The following ITGA11 variants were observed in gnomAD, a reference collection of about 807,000 sequenced individuals.
The protein encoded by ITGA11 is integrin subunit alpha 11, also known as integrin alpha-11.
ITGA11 carries 97 observed loss-of-function variants against 141.9 expected under a neutral mutation model. The observed-to-expected ratio is 0.68, with a 90% CI of 0.58 to 0.81. The LOEUF (loss-of-function observed/expected upper bound fraction) is 0.81, where lower values mean the gene tolerates loss of function less well. Ranked by LOEUF, ITGA11 falls within the 30% of genes least tolerant of loss-of-function variation. The pLI is 0.00. For synonymous variants in ITGA11, 658 were observed against 624.6 expected, an observed-to-expected ratio of 1.05 and a Z score of -0.80; for missense variants, 1,387 against 1,559.2, an observed-to-expected ratio of 0.89 and a Z score of 1.86.
intron 10 of ITGA11, among the ~76,000 whole-genome samples, chr15:68,345,199 C>T (rs1044151840): frequency 6.6e-6 from 1 of 152,116 alleles, no homozygotes; most frequent in East Asian, 1.9e-4. Context: ...GTGACCTTTG[C>T]GTTCATTTCC....
At chr15:68,422,218 G>A (rs552053282) in intron 1 of ITGA11, among the ~76,000 whole-genome samples, 29 of 152,158 alleles carry the variant, frequency 1.9e-4, no homozygotes, top group Admixed American at 1.4e-3. Context: ...TCACTTGCAC[G>A]CTCCCTAGCA....
chr15:68,428,105 G>A (rs1351446837), intron 1 of ITGA11, among the ~76,000 whole-genome samples: 3 of 152,190 alleles, frequency 2.0e-5, no homozygotes, highest in East Asian at 3.9e-4. Flanking sequence ...AGTAAGCTCT[G>A]GAAGCCCATG....
chr15:68,361,691 AG>A lies in ITGA11; in HGVS notation c.370del (p.Leu124SerfsTer66). 6.2e-7 allele frequency: 1 copy of A among 1,604,708 alleles called. No homozygotes were observed. Among genetic ancestry groups the A allele is most frequent in the Non-Finnish European group, 8.5e-7 (1 of 1,175,372 alleles). On this transcript the variant is annotated frameshift_variant, in exon 5 of 30. Transcript: ENST00000315757. LOFTEE classifies it high-confidence loss of function. ...KDNSFLACSP[L>X]WSHECGSSYY... Reference sequence around the variant, plus strand: ...GGAGCTCCCACACTCATGAGACCAGAGGGGGCTGCAGGCCTGGGGAGGGCAG... The same window carrying A: ...GGAGCTCCCACACTCATGAGACCAGAGGGGCTGCAGGCCTGGGGAGGGCAG...
chr15:68,316,223 C>T (rs1390187506), intron 21 of ITGA11, among the ~76,000 whole-genome samples: 1 of 152,198 alleles, frequency 6.6e-6, no homozygotes, highest in East Asian at 1.9e-4. Context: ...CCAGTGGCCA[C>T]CCAGCAGGCC....
At chr15:68,332,628 C>G in intron 12 of ITGA11, 150 bp from the exon 13 acceptor site, 1 of 837,056 alleles carries the variant, frequency 1.2e-6, no homozygotes, top group Non-Finnish European at 1.8e-6. Context: ...CGCGCTACCT[C>G]TCTCTCCTGT....
At chr15:68,372,517 A>G (rs1895621149) in intron 2 of ITGA11, among the ~76,000 whole-genome samples, 1 of 152,194 alleles carries the variant, frequency 6.6e-6, no homozygotes, top group African/African-American at 2.4e-5. Context: ...GGCTCCCAGC[A>G]TTCTTCCTGC....
chr15:68,341,620 G>A (rs1444349009), intron 10 of ITGA11, among the ~76,000 whole-genome samples: 1 of 152,210 alleles, frequency 6.6e-6, no homozygotes, highest in Non-Finnish European at 1.5e-5. Context: ...GAACCCTCCT[G>A]AGGGAGGGGC....
chr15:68,348,571 C>T (rs114278618), intron 10 of ITGA11, among the ~76,000 whole-genome samples: 160 of 152,250 alleles, frequency 1.1e-3, no homozygotes, highest in African/African-American at 3.5e-3. Flanking sequence ...ACAGATTGTA[C>T]GTTATTTGTG....
intron 10 of ITGA11, among the ~76,000 whole-genome samples, chr15:68,342,012 G>T (rs960013374): frequency 3.9e-5 from 6 of 152,192 alleles, no homozygotes; most frequent in Non-Finnish European, 2.9e-5. Flanking sequence ...AATTTGTTGT[G>T]GCCAGGGAGA....
intron 10 of ITGA11, among the ~76,000 whole-genome samples, chr15:68,347,915 CACACAT>C (rs1318748780): frequency 1.1e-4 from 3 of 28,516 alleles, no homozygotes; most frequent in Non-Finnish European, 1.8e-4. Context: ...CCAGGCAGAA[CACACAT>C]ACACACACAC....
rs758948358 is a variant in ITGA11 at position 68,307,335 on chromosome 15, C to A, written c.3381+13G>T. On this transcript the variant is annotated intron_variant, in intron 28 of 29. Transcript: ENST00000315757. The surrounding 1 kb of genome is among the most constrained non-coding windows in gnomAD (Gnocchi z 6.1). ...GGCCTAAGCCCAGTTCTGCAGGGCTCCCAGGGGCTCACCTGGCGGCTGGGA... is the reference window on the plus strand; with the variant it reads ...GGCCTAAGCCCAGTTCTGCAGGGCTACCAGGGGCTCACCTGGCGGCTGGGA... 1 of 1,547,474 alleles carries A rather than the reference C, an allele frequency of 6.5e-7. No individual in the cohort carries two copies. The highest frequency in any genetic ancestry group is 8.8e-7 in the Non-Finnish European group (1 of 1,142,838).
chr15:68,425,474 G>T (rs537938578), intron 1 of ITGA11, among the ~76,000 whole-genome samples: 1 of 152,180 alleles, frequency 6.6e-6, no homozygotes, highest in East Asian at 1.9e-4. Flanking sequence ...ATCTCTGAAC[G>T]CAGGGGCTAT....
intron 2 of ITGA11, 60 bp from the exon 3 acceptor site, chr15:68,369,344 A>G: frequency 2.5e-6 from 2 of 785,266 alleles, no homozygotes; most frequent in Non-Finnish European, 3.7e-6. Flanking sequence ...CTGGCAGAGG[A>G]TGGAGCCTGG....
rs562189713 is a variant in ITGA11 at position 68,382,527 on chromosome 15, A to G, written c.165-13243T>C. Among the ~76,000 whole-genome samples the G allele has an allele frequency of 1.9e-4, 29 of 152,340 alleles. 1 individual carries two copies. In the South Asian group the frequency reaches 6.0e-3, roughly 32 times the overall value. On this transcript the variant is annotated intron_variant, in intron 2 of 29. Transcript: ENST00000315757. Reference sequence around the variant, plus strand: ...CCAAGATTTACCTTGGGTCACATCCAGACGTCTGGAACCATTCTCTCCCTC... The same window carrying G: ...CCAAGATTTACCTTGGGTCACATCCGGACGTCTGGAACCATTCTCTCCCTC...
At position 68,325,058 on chromosome 15, in the gene ITGA11, C is replaced by T. The variant is rs1468287117; in HGVS notation, c.2322+73G>A. 3 of 1,069,688 alleles carry T rather than the reference C, an allele frequency of 2.8e-6. No homozygotes were observed. In the African/African-American group the frequency reaches 4.9e-5, roughly 18 times the overall value. The allele number at this position is 1,069,688 out of a possible 1,614,324, so 66.3% of individuals were successfully genotyped here. A position where few individuals can be genotyped will look rare whatever the true frequency, so the allele number is the denominator to read the frequency against. On this transcript the variant is annotated intron_variant, in intron 18 of 29. Transcript: ENST00000315757. The surrounding 1 kb of genome is among the most constrained non-coding windows in gnomAD (Gnocchi z 5.5). ...CCTCTGTACCCGGCACACTCAGGCTCTGGGCTTTGGGGTTGAGGTGGAGGT... is the reference window on the plus strand; with the variant it reads ...CCTCTGTACCCGGCACACTCAGGCTTTGGGCTTTGGGGTTGAGGTGGAGGT...
chr15:68,326,660 A>G lies in ITGA11; in HGVS notation c.2205T>C (p.His735=). 1 of 1,590,408 alleles carries G rather than the reference A, an allele frequency of 6.3e-7. No homozygotes were observed. Among genetic ancestry groups the G allele is most frequent in the Non-Finnish European group, 8.6e-7 (1 of 1,168,656 alleles). The stretch of plus-strand genomic sequence containing the variant: ...GGTGGGGCTGCCAGCTTACCAGGAC[A>G]TGGAAGTTGATCCGCTCACAGAGCT... ...GQELCERINF[H]VLDTADYVKP... The change falls in exon 17 of 30, where the codon CAT becomes CAC. Residue 735 remains histidine (H), a synonymous_variant. Transcript: ENST00000315757. This position sits in a 1 kb window ranked among gnomAD's most constrained non-coding sequence, Gnocchi z 6.8.
At chr15:68,359,240 T>TATTG (rs1164867779) in intron 5 of ITGA11, among the ~76,000 whole-genome samples, 15 of 152,212 alleles carry the variant, frequency 9.9e-5, no homozygotes, top group African/African-American at 3.4e-4. Context: ...TTTATTTATT[T>TATTG]ATTTTTTAAG....
chr15:68,339,900 A>C (rs1894506869), intron 10 of ITGA11, among the ~76,000 whole-genome samples: 1 of 152,200 alleles, frequency 6.6e-6, no homozygotes, highest in South Asian at 2.1e-4. Context: ...GGAAAAAGGA[A>C]TGTTCTAGAA....
At position 68,303,693 on chromosome 15, in the gene ITGA11, G is replaced by A. The variant is rs528602909; in HGVS notation, c.3495+79C>T. 3.3e-5 allele frequency: 32 copies of A among 957,624 alleles called. No individual in the cohort carries two copies. The highest frequency in any genetic ancestry group is 3.3e-4 in the South Asian group (22 of 66,296). 59.3% of individuals were successfully genotyped at this position (957,624 alleles called of 1,614,324 possible). Reference sequence around the variant, plus strand: ...CCCCTGGAGAGGAGAACGTGGCAGCGGCCACGAAGTTCCAGGGGCTGGAGC... The same window carrying A: ...CCCCTGGAGAGGAGAACGTGGCAGCAGCCACGAAGTTCCAGGGGCTGGAGC... On this transcript the variant is annotated intron_variant, in intron 29 of 29. Transcript: ENST00000315757. This position sits in a 1 kb window ranked among gnomAD's most constrained non-coding sequence, Gnocchi z 5.3.
Sources: allele counts gnomAD v4.1 joint callset (sites outside exome capture counted in the v4.1 genomes callset), GRCh38; gene constraint gnomAD v4.1.1; non-coding constraint Gnocchi (gnomAD v3.1); transcripts MANE v1.5; gene names NCBI Gene and HGNC (gene_info 2026-07-23, HGNC 2026-07-21).